The following HS6ST2 variants were observed in gnomAD, a reference collection of about 807,000 sequenced individuals.
HS6ST2 encodes the protein heparan-sulfate 6-O-sulfotransferase 2.
A neutral mutation model predicts 33.0 loss-of-function variants in HS6ST2; 17 were observed. The ratio of observed to expected loss-of-function variants is 0.52; its 90% confidence interval spans 0.35 to 0.77. The LOEUF (loss-of-function observed/expected upper bound fraction) is 0.77. HS6ST2 is among the 30% of genes least tolerant of loss of function. The probability of loss-of-function intolerance (pLI) is 0.01; values close to 1 mark genes in which losing one functional copy is unlikely to be tolerated. For missense variants in HS6ST2, 519 were observed against 551.7 expected, an observed-to-expected ratio of 0.94 and a Z score of 0.59; for synonymous variants, 248 against 237.1, an observed-to-expected ratio of 1.05 and a Z score of -0.42.
intron 2 of HS6ST2, among the ~76,000 whole-genome samples, chrX:132,769,688 A>C (rs917362613): frequency 8.0e-5 from 9 of 112,642 alleles, no homozygotes; most frequent in Admixed American, 2.8e-4. Flanking sequence ...AGCAATAGGC[A>C]TGTTGTCACG....
chrX:132,684,389 T>A (rs1323740733), intron 3 of HS6ST2, among the ~76,000 whole-genome samples: 1 of 108,099 alleles, frequency 9.3e-6, no homozygotes, highest in Non-Finnish European at 1.9e-5. Flanking sequence ...TACTTTCCAT[T>A]CAGTAAAATT....
chrX:132,672,953 C>CT (rs199959457), intron 3 of HS6ST2, among the ~76,000 whole-genome samples: 1,122 of 111,950 alleles, frequency 0.01, 7 homozygotes, highest in African/African-American at 0.034. Flanking sequence ...ACCTGACTCA[C>CT]TTTTTTGATG....
chrX:132,827,506 G>A (rs772769309), intron 2 of HS6ST2, among the ~76,000 whole-genome samples: 4 of 110,244 alleles, frequency 3.6e-5, no homozygotes, highest in Non-Finnish European at 7.6e-5. Context: ...GGGAAAAGGG[G>A]AAAAAAGAAA....
At chrX:132,770,244 T>C (rs1444731443) in intron 2 of HS6ST2, among the ~76,000 whole-genome samples, 1 of 111,562 alleles carries the variant, frequency 9.0e-6, no homozygotes, top group Non-Finnish European at 1.9e-5. Flanking sequence ...AGACATCAGG[T>C]AACCTCTCCA....
At chrX:132,847,022 G>T (rs2065756442) in intron 2 of HS6ST2, among the ~76,000 whole-genome samples, 1 of 111,241 alleles carries the variant, frequency 9.0e-6, no homozygotes, top group Non-Finnish European at 1.9e-5. Context: ...AAGCAAGAGG[G>T]GTTCATGCAT....
At chrX:132,856,671 C>T (rs749828078) in intron 2 of HS6ST2, among the ~76,000 whole-genome samples, 3 of 111,223 alleles carry the variant, frequency 2.7e-5, no homozygotes, top group Non-Finnish European at 5.7e-5. Context: ...ATGCTAACTA[C>T]AATCCCTCTG....
chrX:132,675,272 T>A (rs2063916036), intron 3 of HS6ST2, among the ~76,000 whole-genome samples: 1 of 110,792 alleles, frequency 9.0e-6, no homozygotes, highest in Admixed American at 9.6e-5. Context: ...CTCAAAGCCA[T>A]GAGATAAACA....
intron 2 of HS6ST2, among the ~76,000 whole-genome samples, chrX:132,797,260 T>G (rs1450378233): frequency 9.0e-6 from 1 of 111,731 alleles, no homozygotes; most frequent in Non-Finnish European, 1.9e-5. Flanking sequence ...AGCTACGAAG[T>G]TGATGGGAAG....
upstream of HS6ST2, among the ~76,000 whole-genome samples, chrX:132,959,450 G>A (rs1377733678): frequency 8.9e-6 from 1 of 112,078 alleles, no homozygotes; most frequent in Non-Finnish European, 1.9e-5. Context: ...CACTGCTACA[G>A]AAGGGGCACC....
At position 132,808,446 on chromosome X, in the gene HS6ST2, T is replaced by G. The variant is rs186276259; in HGVS notation, c.948-99952A>C. On this transcript the variant is annotated intron_variant, in intron 2 of 4. Transcript: ENST00000370833. ...CCCCATGTGTCATGGGAGGGCATTATCAGGCTACCCCACTTGCCTGGGCTC... is the reference window on the plus strand; with the variant it reads ...CCCCATGTGTCATGGGAGGGCATTAGCAGGCTACCCCACTTGCCTGGGCTC... Among the ~76,000 whole-genome samples, 4 of 111,959 alleles carry G rather than the reference T, an allele frequency of 3.6e-5. No homozygotes were observed. The Admixed American group carries it at 3.8e-4, about 11-fold the overall frequency.
At chrX:132,871,550 A>T (rs2066057478) in intron 2 of HS6ST2, among the ~76,000 whole-genome samples, 1 of 112,204 alleles carries the variant, frequency 8.9e-6, no homozygotes, top group Non-Finnish European at 1.9e-5. Flanking sequence ...TCAATGACAG[A>T]CTGGATAAAG....
At chrX:132,913,385 T>A (rs763845946) in intron 2 of HS6ST2, among the ~76,000 whole-genome samples, 1 of 112,432 alleles carries the variant, frequency 8.9e-6, no homozygotes, top group Non-Finnish European at 1.9e-5. Context: ...AGGCTGTGGA[T>A]GGTGGGACTA....
At chrX:132,813,934 T>C (rs1452606451) in intron 2 of HS6ST2, among the ~76,000 whole-genome samples, 2 of 111,069 alleles carry the variant, frequency 1.8e-5, no homozygotes, top group African/African-American at 6.6e-5. Flanking sequence ...AGAACATTTA[T>C]TTAATTTAAT....
At chrX:132,948,153 A>G (rs995307984) in intron 2 of HS6ST2, among the ~76,000 whole-genome samples, 6 of 112,005 alleles carry the variant, frequency 5.4e-5, no homozygotes, top group Non-Finnish European at 9.4e-5. Flanking sequence ...CATCTCCACT[A>G]GTAAAATTTA....
chrX:132,765,921 C>T (rs1317237393), intron 2 of HS6ST2, among the ~76,000 whole-genome samples: 1 of 111,790 alleles, frequency 8.9e-6, no homozygotes, highest in Admixed American at 9.5e-5. Flanking sequence ...CAAGGACTTC[C>T]AGCTAGTCAA....
rs1156535333 is a variant in HS6ST2, at chrX:132,628,214, T to C, written c.*9A>G. 96 of 1,127,932 alleles carry C rather than the reference T, an allele frequency of 8.5e-5. No individual in the cohort carries two copies. Among genetic ancestry groups the C allele is most frequent in the Non-Finnish European group, 1.0e-4 (87 of 842,249 alleles). 93.0% of individuals were successfully genotyped at this position (1,127,932 alleles called of 1,213,427 possible). On this transcript the variant is annotated 3_prime_UTR_variant, in exon 5 of 5. Coordinates refer to ENST00000370833, the MANE Select transcript of HS6ST2 (RefSeq NM_001394073.1). Reference sequence around the variant, plus strand: ...TTGGGAGAAGTATGTACAGGCCTTTTTGAGCCATTTAACGCCATTTCTCTA... The same window carrying C: ...TTGGGAGAAGTATGTACAGGCCTTTCTGAGCCATTTAACGCCATTTCTCTA...
intron 3 of HS6ST2, among the ~76,000 whole-genome samples, chrX:132,678,696 G>C (rs1010650432): frequency 8.9e-6 from 1 of 112,257 alleles, no homozygotes; most frequent in Non-Finnish European, 1.9e-5. Context: ...TCCTTTCCAA[G>C]TGAAACCCAA....
At chrX:132,887,877 T>C (rs1309481062) in intron 2 of HS6ST2, among the ~76,000 whole-genome samples, 2 of 112,015 alleles carry the variant, frequency 1.8e-5, no homozygotes, top group Non-Finnish European at 1.9e-5. Context: ...CAAAATATTA[T>C]AATGTGTGAA....
In HS6ST2 at chrX:132,939,552, G is replaced by A. The variant is rs758410538; in HGVS notation, c.947+17256C>T. On this transcript the variant is annotated intron_variant, in intron 2 of 4. Transcript: ENST00000370833. ...AGGCAGGAGAATTGCTTGAACATGG[G>A]GGGCAGAGGTTGCAGTGAGCCGAGA... is the stretch of plus-strand genomic sequence containing the variant. 3.6e-5 allele frequency among the ~76,000 whole-genome samples: 4 copies of A among 110,953 alleles called. No homozygotes were observed. The East Asian group carries it at 1.1e-3, about 31-fold the overall frequency.
Sources: gnomAD v4.1 joint callset for allele counts (sites outside exome capture counted in the v4.1 genomes callset) on GRCh38, gnomAD v4.1.1 for gene constraint, MANE v1.5 for transcripts, NCBI Gene and HGNC (gene_info 2026-07-23, HGNC 2026-07-21) for gene names.